RARS1: variants seen among roughly 807,000 people sequenced by gnomAD.
The protein encoded by RARS1 is arginine--tRNA ligase, cytoplasmic.
In RARS1, 75 loss-of-function variants were observed where a neutral mutation model predicts 78.7. The ratio of observed to expected loss-of-function variants is 0.95; its 90% confidence interval spans 0.79 to 1.15. The LOEUF (loss-of-function observed/expected upper bound fraction) is 1.15. Among genes scored for constraint, RARS1 ranks in the 50% most tolerant of loss-of-function variants. The pLI is 0.00. For missense variants in RARS1, 787 were observed against 787.5 expected, an observed-to-expected ratio of 1.00 and a Z score of 0.01; for synonymous variants, 273 against 268.2, an observed-to-expected ratio of 1.02 and a Z score of -0.18.
intron 9 of RARS1, among the ~76,000 whole-genome samples, chr5:168,503,009 A>G (rs986794655): frequency 6.6e-6 from 1 of 152,224 alleles, no homozygotes; most frequent in Admixed American, 6.5e-5. Context: ...ACTATTTAGC[A>G]TAATTCCTTG....
At chr5:168,501,010 A>G (rs185559488) in intron 8 of RARS1, among the ~76,000 whole-genome samples, 8 of 152,346 alleles carry the variant, frequency 5.3e-5, no homozygotes, top group South Asian at 2.1e-4. Flanking sequence ...ACACTTAGGA[A>G]TGAATTTATT....
Position 168,515,857 on chromosome 5 carries a change from C to T in RARS1, c.1453-921C>T, listed in dbSNP as rs148753761. The stretch of plus-strand genomic sequence containing the variant: ...CCTGATAGATTTTTTGGAGTCTTGC[C>T]TTGTGCATGCCAGCCATATGACATT... On this transcript the variant is annotated intron_variant, in intron 12 of 14. Coordinates refer to ENST00000231572, the MANE Select transcript of RARS1 (RefSeq NM_002887.4). Among the ~76,000 whole-genome samples, 283 of 152,284 alleles carry T rather than the reference C, an allele frequency of 1.9e-3. 2 individuals are homozygous for T. Among genetic ancestry groups the T allele is most frequent in the African/African-American group, 6.4e-3 (266 of 41,550 alleles).
intron 2 of RARS1, among the ~76,000 whole-genome samples, chr5:168,489,179 C>T (rs1758028746): frequency 1.3e-5 from 2 of 150,958 alleles, no homozygotes; most frequent in South Asian, 4.2e-4. Context: ...GCCACCACAT[C>T]CAGCTAATTT....
intron 12 of RARS1, among the ~76,000 whole-genome samples, chr5:168,511,700 T>A (rs1270943226): frequency 1.3e-5 from 2 of 152,200 alleles, no homozygotes; most frequent in African/African-American, 4.8e-5. Context: ...CACAGCCTAA[T>A]GAATTTTTAC....
At chr5:168,501,585 T>C (rs972064827) in intron 8 of RARS1, among the ~76,000 whole-genome samples, 7 of 152,272 alleles carry the variant, frequency 4.6e-5, no homozygotes, top group African/African-American at 1.7e-4. Context: ...TAGCCGGGCG[T>C]GGTGGCACAC....
chr5:168,500,661 AG>A lies in RARS1; in HGVS notation c.896del (p.Gly299ValfsTer21). The A allele has an allele frequency of 1.9e-6, 3 of 1,610,754 alleles. No individual in the cohort carries two copies. The highest frequency in any genetic ancestry group is 2.5e-6 in the Non-Finnish European group (3 of 1,179,090). ...GCATATCAGTGTGTAGTTCTGCTCCAGGGTAAAAACCCAGATATTACAAAAG... is the reference window on the plus strand; with the variant it reads ...GCATATCAGTGTGTAGTTCTGCTCCAGGTAAAAACCCAGATATTACAAAAG... ...KRAYQCVVLL[Q>X]GKNPDITKAW... On this transcript the variant is annotated frameshift_variant, in exon 8 of 15. Transcript: ENST00000231572. LOFTEE classifies it high-confidence loss of function.
In RARS1 at chr5:168,518,071, CTTTTT is replaced by C. The variant is rs747777615; in HGVS notation, c.1873+29_1873+33del. The C allele has an allele frequency of 4.8e-3, 3,553 of 743,952 alleles. 5 individuals carry two copies. Among genetic ancestry groups the C allele is most frequent in the East Asian group, 0.014 (103 of 7,310 alleles). The allele number at this position is 743,952 out of a possible 1,614,324, so 46.1% of individuals were successfully genotyped here. ...GAAAGATAGACAGACTGGTGAGTGT[CTTTTT>C]TTTTTTTTTTTTTTTTTTTAGTGAG... On this transcript the variant is annotated intron_variant, in intron 14 of 14. Transcript: ENST00000231572.
intron 12 of RARS1, among the ~76,000 whole-genome samples, chr5:168,515,078 A>G (rs1036974484): frequency 1.3e-5 from 2 of 152,208 alleles, no homozygotes; most frequent in African/African-American, 2.4e-5. Context: ...GATAAGCTTC[A>G]TAATTAATAA....
chr5:168,500,823 G>T, intron 8 of RARS1, 103 bp downstream of exon 8: 1 of 1,361,436 alleles, frequency 7.3e-7, no homozygotes, highest in South Asian at 1.5e-5. Flanking sequence ...AACCTTCTAA[G>T]GACAGGCAAA....
chr5:168,493,100 A>G (rs914216899), intron 3 of RARS1: 1 of 352,602 alleles, frequency 2.8e-6, no homozygotes, highest in Non-Finnish European at 5.3e-6. Flanking sequence ...TTGTTTAGGT[A>G]TTTCCCTCCT....
chr5:168,510,814 A>G (rs1332742120), intron 12 of RARS1, 128 bp downstream of exon 12: 2 of 548,474 alleles, frequency 3.6e-6, no homozygotes, highest in Admixed American at 4.1e-5. Flanking sequence ...TATTGCTCTG[A>G]CTTTATTGCA....
rs185248438 is a variant in RARS1 at position 168,494,658 on chromosome 5, T to G, written c.579+8T>G. On this transcript the variant is annotated splice_region_variant and intron_variant, in intron 5 of 14. Coordinates refer to ENST00000231572, the MANE Select transcript of RARS1 (RefSeq NM_002887.4). ...CTGGGAGAGAATAAAAAGGTATATG[T>G]ACACTCTTCTATTAATATATTAGTA... The G allele has an allele frequency of 9.8e-5, 148 of 1,503,858 alleles. 2 individuals are homozygous for G. In the East Asian group the frequency reaches 3.3e-3, roughly 33 times the overall value. The allele number at this position is 1,503,858 out of a possible 1,614,324, so 93.2% of individuals were successfully genotyped here.
At chr5:168,508,143 C>T (rs959155970) in intron 11 of RARS1, among the ~76,000 whole-genome samples, 9 of 152,044 alleles carry the variant, frequency 5.9e-5, no homozygotes, top group Non-Finnish European at 1.0e-4. Context: ...AGTTTCTTAA[C>T]GGTTGGTTTT....
intron 2 of RARS1, among the ~76,000 whole-genome samples, chr5:168,488,939 A>G (rs975874939): frequency 6.6e-6 from 1 of 152,224 alleles, no homozygotes; most frequent in East Asian, 1.9e-4. Context: ...CCTGTCCTTC[A>G]GGACTCTTTG....
At position 168,516,808 on chromosome 5, in the gene RARS1, C is replaced by T. The variant is rs1758674525; in HGVS notation, c.1483C>T (p.Gln495Ter). The change falls in exon 13 of 15, where the codon CAG becomes TAG. Residue 495 changes from glutamine (Q) to a stop codon, truncating the protein, a stop_gained. Transcript: ENST00000231572. LOFTEE classifies it high-confidence loss of function. ...AACTGCAGAGGAATTGAATGCTGCT[C>T]AGACATCCGTTGCGTATGGCTGCAT... ...VLTAEELNAA[Q>*]TSVAYGCIKY... is the part of the protein sequence containing the mutation. 2 of 1,613,988 alleles carry T rather than the reference C, an allele frequency of 1.2e-6. No individual in the cohort carries two copies. Among genetic ancestry groups the T allele is most frequent in the Admixed American group, 1.7e-5 (1 of 60,002 alleles).
chr5:168,500,746 G>A lies in RARS1; in HGVS notation c.952+26G>A, dbSNP rs771637375. ...GTGAGTTTCTGGGCTTTGTTCCTTC[G>A]TCCAGCAAATACTATGTATATCATT... On this transcript the variant is annotated intron_variant, in intron 8 of 14. Coordinates refer to ENST00000231572, the MANE Select transcript of RARS1 (RefSeq NM_002887.4). 43 of 1,602,788 alleles carry A rather than the reference G, an allele frequency of 2.7e-5. No homozygotes were observed. In the Middle Eastern group the frequency reaches 5.0e-4, roughly 19 times the overall value.
rs115263344 is a variant in RARS1, at chr5:168,492,282, T to C, written c.181-377T>C. ...ACATTTTGATGGACATCATGTATTT[T>C]TTTGTTTGTTTTTTGTCCATTGAGT... On this transcript the variant is annotated intron_variant, in intron 2 of 14. Coordinates refer to ENST00000231572, the MANE Select transcript of RARS1 (RefSeq NM_002887.4). Among the ~76,000 whole-genome samples, 979 of 152,338 alleles carry C rather than the reference T, an allele frequency of 6.4e-3. 5 individuals are homozygous for C. Among genetic ancestry groups the C allele is most frequent in the Non-Finnish European group, 9.6e-3 (653 of 68,024 alleles).
intron 12 of RARS1, among the ~76,000 whole-genome samples, chr5:168,512,177 T>C (rs1213076309): frequency 6.6e-6 from 1 of 152,202 alleles, no homozygotes; most frequent in East Asian, 1.9e-4. Flanking sequence ...TATTGCTGCA[T>C]GATATTCTGA....
chr5:168,495,363 G>C lies in RARS1; in HGVS notation c.628G>C (p.Gly210Arg). The change falls in exon 6 of 15, where the codon GGC (glycine) becomes CGC (arginine). Residue 210 changes from glycine to arginine, a missense_variant. Coordinates refer to ENST00000231572, the MANE Select transcript of RARS1 (RefSeq NM_002887.4). ...SPNIAKEMHV[G>R]HLRSTIIGES... The stretch of plus-strand genomic sequence containing the variant: ...TAATATAGCTAAAGAGATGCATGTA[G>C]GCCACCTGAGGTCAACTATCATAGG... 1 of 1,614,012 alleles carries C rather than the reference G, an allele frequency of 6.2e-7. No individual in the cohort carries two copies. The highest frequency in any genetic ancestry group is 8.5e-7 in the Non-Finnish European group (1 of 1,179,950).
Sources: gnomAD v4.1 joint callset for allele counts (sites outside exome capture counted in the v4.1 genomes callset) on GRCh38, gnomAD v4.1.1 for gene constraint, MANE v1.5 for transcripts, NCBI Gene and HGNC (gene_info 2026-07-23, HGNC 2026-07-21) for gene names.